Variants in PDE3A observed in about 807,000 individuals in gnomAD.
The protein encoded by PDE3A is phosphodiesterase 3A, also known as cGMP-inhibited 3',5'-cyclic phosphodiesterase 3A.
In PDE3A, 43 loss-of-function variants were observed where a neutral mutation model predicts 98.3. The ratio of observed to expected loss-of-function variants is 0.44; its 90% CI spans 0.34 to 0.56. The LOEUF (loss-of-function observed/expected upper bound fraction) is 0.56, where lower values mean the gene tolerates loss of function less well. PDE3A is among the 20% of genes least tolerant of loss of function. The probability of loss-of-function intolerance (pLI) is 0.01; values close to 1 mark genes in which losing one functional copy is unlikely to be tolerated. For missense variants in PDE3A, 1,427 were observed against 1,440.7 expected, an observed-to-expected ratio of 0.99 and a Z score of 0.15; for synonymous variants, 663 against 567.9, an observed-to-expected ratio of 1.17 and a Z score of -2.38.
intron 2 of PDE3A, among the ~76,000 whole-genome samples, chr12:20,604,870 C>A (rs1239152589): frequency 1.3e-5 from 2 of 152,070 alleles, no homozygotes; most frequent in Non-Finnish European, 2.9e-5. Flanking sequence ...TACACCATAC[C>A]CATATTTCAT....
Position 20,630,105 on chromosome 12 carries a change from A to T in PDE3A, c.1738A>T (p.Thr580Ser). ...CCCAGACCTATCCCCTCAAATCCTG[A>T]CTCCACCTGTTATATGTAGCAGGTA... ...SAPDLSPQIL[T>S]PPVICSSCGR... The change falls in exon 6 of 16, where the codon ACT becomes TCT. Residue 580 changes from threonine (T) to serine (S), a missense_variant. Physicochemically the swap from Thr to Ser is moderately conservative, Grantham distance 58. This residue lies in a region of PDE3A where 1,012 missense variants were observed against 886.5 expected (regional missense o/e 1.14). Coordinates refer to ENST00000359062, the MANE Select transcript of PDE3A (RefSeq NM_000921.5). The T allele has an allele frequency of 1.2e-6, 2 of 1,611,274 alleles. No homozygotes were observed. Among genetic ancestry groups the T allele is most frequent in the Non-Finnish European group, 1.7e-6 (2 of 1,177,722 alleles).
At chr12:20,669,523 G>C (rs1490543411) in intron 15 of PDE3A, among the ~76,000 whole-genome samples, 1 of 152,030 alleles carries the variant, frequency 6.6e-6, no homozygotes, top group Non-Finnish European at 1.5e-5. Context: ...CTACAAGCCA[G>C]AAGAGAGTGG....
chr12:20,571,881 T>A (rs2121313165), intron 2 of PDE3A: 1 of 1,034,906 alleles, frequency 9.7e-7, no homozygotes, highest in Non-Finnish European at 1.2e-6. Flanking sequence ...TCTCCAATAG[T>A]GATTGCCACC....
chr12:20,521,588 G>A (rs1946428614), intron 1 of PDE3A, among the ~76,000 whole-genome samples: 1 of 152,154 alleles, frequency 6.6e-6, no homozygotes, highest in Non-Finnish European at 1.5e-5. Flanking sequence ...TAGTTTTGAA[G>A]TTTTGAGATA....
intron 1 of PDE3A, among the ~76,000 whole-genome samples, chr12:20,490,571 C>G (rs770045773): frequency 6.6e-5 from 10 of 152,118 alleles, no homozygotes; most frequent in Non-Finnish European, 1.5e-4. Flanking sequence ...GCAACTTAGA[C>G]TCCAGTCCCC....
chr12:20,370,391 T>A, intron 1 of PDE3A, 147 bp downstream of exon 1: 1 of 497,568 alleles, frequency 2.0e-6, no homozygotes, highest in Non-Finnish European at 3.2e-6. Flanking sequence ...ACTAGCAGGT[T>A]TTTTTTTTGT....
chr12:20,471,282 G>C (rs1945435748), intron 1 of PDE3A, among the ~76,000 whole-genome samples: 1 of 152,196 alleles, frequency 6.6e-6, no homozygotes, highest in South Asian at 2.1e-4. Flanking sequence ...GTGGTTTTCA[G>C]CCTTTTCTGC....
intron 2 of PDE3A, among the ~76,000 whole-genome samples, chr12:20,610,466 G>A (rs1049412765): frequency 2.0e-5 from 3 of 151,920 alleles, no homozygotes; most frequent in African/African-American, 7.2e-5. Context: ...GATTGGTACA[G>A]CCATTATAGA....
At chr12:20,463,584 A>G (rs1945289884) in intron 1 of PDE3A, among the ~76,000 whole-genome samples, 1 of 152,214 alleles carries the variant, frequency 6.6e-6, no homozygotes, top group Admixed American at 6.5e-5. Flanking sequence ...TGCTTATATC[A>G]TAGCAAACAA....
chr12:20,371,469 AG>A, intron 1 of PDE3A: 1 of 981,104 alleles, frequency 1.0e-6, no homozygotes, highest in Non-Finnish European at 1.2e-6. Context: ...GAATATCCTA[AG>A]ATAAAGTAAG....
intron 2 of PDE3A, among the ~76,000 whole-genome samples, chr12:20,578,727 G>A (rs567051898): frequency 4.6e-5 from 7 of 151,920 alleles, no homozygotes; most frequent in African/African-American, 7.3e-5. Flanking sequence ...TCTGTCTATC[G>A]TTCTCTGATC....
At chr12:20,475,424 A>AT (rs1945514499) in intron 1 of PDE3A, among the ~76,000 whole-genome samples, 2 of 152,080 alleles carry the variant, frequency 1.3e-5, no homozygotes, top group Admixed American at 1.3e-4. Flanking sequence ...TAATTATATG[A>AT]TTCATTAAAA....
intron 1 of PDE3A, among the ~76,000 whole-genome samples, chr12:20,456,052 A>G (rs1285798575): frequency 6.6e-6 from 1 of 152,192 alleles, no homozygotes; most frequent in Non-Finnish European, 1.5e-5. Context: ...ATGACTAAAA[A>G]TGAACTGTCC....
rs183795825 is a variant in PDE3A, at chr12:20,441,713, C to G, written c.960+71469C>G. 1.6e-3 allele frequency among the ~76,000 whole-genome samples: 248 copies of G among 152,304 alleles called. 2 individuals carry two copies. Among genetic ancestry groups the G allele is most frequent in the Middle Eastern group, 0.01 (3 of 294 alleles). On this transcript the variant is annotated intron_variant, in intron 1 of 15. Coordinates refer to ENST00000359062, the MANE Select transcript of PDE3A (RefSeq NM_000921.5). ...TATTTCATTCTGTAAGCTGTGGTCA[C>G]TCACAGGATGTTTTTGAGCAGAGTG...
At chr12:20,589,309 A>C (rs1312407365) in intron 2 of PDE3A, among the ~76,000 whole-genome samples, 1 of 152,158 alleles carries the variant, frequency 6.6e-6, no homozygotes, top group Non-Finnish European at 1.5e-5. Context: ...AAATTGAAAA[A>C]AAAGTGGAAA....
intron 4 of PDE3A, among the ~76,000 whole-genome samples, chr12:20,620,072 T>C (rs1944096720): frequency 1.3e-5 from 2 of 152,082 alleles, no homozygotes; most frequent in Admixed American, 1.3e-4. Flanking sequence ...GGATTTAGCA[T>C]GCAGTGTTCT....
intron 14 of PDE3A, among the ~76,000 whole-genome samples, chr12:20,651,156 T>G (rs1944906304): frequency 6.6e-6 from 1 of 152,098 alleles, no homozygotes; most frequent in Non-Finnish European, 1.5e-5. Context: ...TAAAAAGAAA[T>G]AGACATTTCA....
chr12:20,413,384 A>C (rs1353472396), intron 1 of PDE3A, among the ~76,000 whole-genome samples: 1 of 152,100 alleles, frequency 6.6e-6, no homozygotes, highest in Non-Finnish European at 1.5e-5. Context: ...TAGCAGCCTG[A>C]AGCCATGGAT....
At chr12:20,439,676 T>C (rs775745080) in intron 1 of PDE3A, among the ~76,000 whole-genome samples, 1 of 152,240 alleles carries the variant, frequency 6.6e-6, no homozygotes, top group Non-Finnish European at 1.5e-5. Context: ...CTTTACCTTG[T>C]AGCCTTGCAA....
Sources: allele counts gnomAD v4.1 joint callset (sites outside exome capture counted in the v4.1 genomes callset), GRCh38; gene constraint gnomAD v4.1.1; regional missense constraint gnomAD v4.1.1; transcripts MANE v1.5; gene names NCBI Gene and HGNC (gene_info 2026-07-23, HGNC 2026-07-21).